The following RNF157 variants were observed in gnomAD, a reference collection of about 807,000 sequenced individuals.
The protein encoded by RNF157 is ring finger protein 157, also known as E3 ubiquitin ligase RNF157.
In RNF157, 55 loss-of-function variants were observed where a neutral mutation model predicts 88.3. That is an observed-to-expected ratio of 0.62 (90% CI 0.50 to 0.78). The LOEUF is 0.78. Ranked by LOEUF, RNF157 falls within the 30% of genes least tolerant of loss-of-function variation. The pLI is 0.00. For synonymous variants in RNF157, 334 were observed against 341.2 expected (o/e 0.98, Z 0.23); for missense variants, 788 against 860.8 (o/e 0.92, Z 1.06).
intron 14 of RNF157, 143 bp downstream of exon 14, chr17:76,156,067 C>G (rs1266740861): frequency 1.5e-6 from 1 of 665,826 alleles, no homozygotes; most frequent in African/African-American, 1.8e-5. Flanking sequence ...AGCAAGTCCT[C>G]TTCCCTCTCA....
chr17:76,159,436 A>T lies in RNF157; in HGVS notation c.1203T>A (p.Tyr401Ter). The T allele has an allele frequency of 6.2e-7, 1 of 1,613,386 alleles. No individual in the cohort carries two copies. Among genetic ancestry groups the T allele is most frequent in the Non-Finnish European group, 8.5e-7 (1 of 1,179,784 alleles). Reference sequence around the variant, plus strand: ...CGGGGGGCAGGTGGCCATCACTGCCATATGAAGGGAGCATTCCTGAGAGGT... The same window carrying T: ...CGGGGGGCAGGTGGCCATCACTGCCTTATGAAGGGAGCATTCCTGAGAGGT... ...DGHLSGMLPS[Y>*]GSDGHLPPVR... The change falls in exon 12 of 19, where the codon TAT becomes TAA. Residue 401 changes from tyrosine to a stop codon, truncating the protein, a stop_gained. Coordinates refer to ENST00000269391, the MANE Select transcript of RNF157 (RefSeq NM_052916.3). LOFTEE classifies it high-confidence loss of function.
At position 76,156,280 on chromosome 17, in the gene RNF157, C is replaced by T. The variant is rs144491104; in HGVS notation, c.1455G>A (p.Ser485=). 9.8e-4 allele frequency: 1,576 copies of T among 1,614,072 alleles called. No individual in the cohort carries two copies. Among genetic ancestry groups the T allele is most frequent in the Non-Finnish European group, 1.3e-3 (1,482 of 1,180,008 alleles). The part of the protein sequence containing the change: ...VTPESENLTL[S]SSGAIDQSSC... ...ACGACTGGTCAATAGCTCCAGATGA[C>T]GACAAGGTGAGATTCTCACTTTCTG... The change falls in exon 14 of 19, where the codon TCG becomes TCA. Residue 485 remains serine, a synonymous_variant. Coordinates refer to ENST00000269391, the MANE Select transcript of RNF157 (RefSeq NM_052916.3).
chr17:76,201,633 AG>A (rs1487594771), intron 2 of RNF157, among the ~76,000 whole-genome samples: 2 of 152,202 alleles, frequency 1.3e-5, no homozygotes, highest in Non-Finnish European at 2.9e-5. Context: ...ATATTTGTGT[AG>A]CTATAAATAT....
chr17:76,182,453 G>C (rs1241395275), intron 2 of RNF157, among the ~76,000 whole-genome samples: 12 of 135,786 alleles, frequency 8.8e-5, no homozygotes, highest in African/African-American at 2.7e-5. Flanking sequence ...CATTTAGTCT[G>C]TGTGTGTGTG....
At position 76,237,378 on chromosome 17, in the gene RNF157, CAACTT is replaced by C. The variant is rs1281939646; in HGVS notation, c.88+2770_88+2774del. ...TTTCCAGCGAGCCAGATAGTGGTCT[CAACTT>C]AACACTCAAACTACAAGGTATGTCA... On this transcript the variant is annotated intron_variant, in intron 1 of 18. Transcript: ENST00000269391. Among the ~76,000 whole-genome samples the C allele has an allele frequency of 2.0e-5, 3 of 152,326 alleles. No individual in the cohort carries two copies. In the East Asian group the frequency reaches 5.8e-4, roughly 29 times the overall value.
chr17:76,209,516 G>A lies in RNF157; in HGVS notation c.207+2848C>T, dbSNP rs147109329. 6.0e-3 allele frequency among the ~76,000 whole-genome samples: 895 copies of A among 150,066 alleles called. 11 individuals are homozygous for A. The highest frequency in any genetic ancestry group is 0.021 in the African/African-American group (852 of 40,482). On this transcript the variant is annotated intron_variant, in intron 2 of 18. Coordinates refer to ENST00000269391, the MANE Select transcript of RNF157 (RefSeq NM_052916.3). ...TTTCTTTTTTAGCTCATCAGCTATC[G>A]TTACTGCTAGTGTATTCCGTGTGTG...
At chr17:76,212,866 A>G (rs1598434742) in intron 1 of RNF157, among the ~76,000 whole-genome samples, 1 of 152,328 alleles carries the variant, frequency 6.6e-6, no homozygotes, top group East Asian at 1.9e-4. Context: ...GTTTCAAAAA[A>G]ACAAAAACAA....
At chr17:76,224,103 C>T (rs1014119606) in intron 1 of RNF157, among the ~76,000 whole-genome samples, 4 of 152,072 alleles carry the variant, frequency 2.6e-5, no homozygotes, top group African/African-American at 9.7e-5. Flanking sequence ...ATTTTTGAAG[C>T]GAAAGCCCAA....
intron 1 of RNF157, chr17:76,226,754 G>A: frequency 6.3e-7 from 1 of 1,593,532 alleles, no homozygotes; most frequent in Non-Finnish European, 8.6e-7. Flanking sequence ...GTCGAAGGGG[G>A]ACATCAAGTC....
chr17:76,230,133 G>T (rs1171140163), intron 1 of RNF157, among the ~76,000 whole-genome samples: 1 of 152,166 alleles, frequency 6.6e-6, no homozygotes, highest in Non-Finnish European at 1.5e-5. Context: ...CAGCAAACTG[G>T]ATCATGGGAG....
intron 18 of RNF157, 146 bp from the exon 19 acceptor site, chr17:76,145,499 C>T (rs529879125): frequency 2.5e-5 from 15 of 604,408 alleles, no homozygotes; most frequent in African/African-American, 7.4e-5. Context: ...CCACAGCACT[C>T]GTGTGTGAGA....
intron 3 of RNF157, among the ~76,000 whole-genome samples, chr17:76,172,277 G>A (rs1212340761): frequency 6.6e-6 from 1 of 152,098 alleles, no homozygotes; most frequent in Non-Finnish European, 1.5e-5. Context: ...TCGTGCCACT[G>A]TACTGCAGCC....
At chr17:76,166,587 G>A in intron 5 of RNF157, 60 bp from the exon 6 acceptor site, 1 of 1,337,302 alleles carries the variant, frequency 7.5e-7, no homozygotes. Context: ...ACATGGCACA[G>A]CTAATCTCAG....
Position 76,160,326 on chromosome 17 carries a change from G to A in RNF157, c.1066-753C>T, listed in dbSNP as rs1279779600. Among the ~76,000 whole-genome samples, 1 of 151,480 alleles carries A rather than the reference G, an allele frequency of 6.6e-6. No individual in the cohort carries two copies. The highest frequency in any genetic ancestry group is 1.5e-5 in the Non-Finnish European group (1 of 67,926). Reference sequence around the variant, plus strand: ...ATTAAATTATTAGCTCTTAGATGATGAGGTATAAATGTTTTTAAGGCCTTG... The same window carrying A: ...ATTAAATTATTAGCTCTTAGATGATAAGGTATAAATGTTTTTAAGGCCTTG... On this transcript the variant is annotated intron_variant, in intron 11 of 18. Transcript: ENST00000269391. The surrounding 1 kb of genome is among the most constrained non-coding windows in gnomAD (Gnocchi z 4.3).
At chr17:76,177,637 TGCCTTTTCTAG>T (rs776096534) in intron 2 of RNF157, among the ~76,000 whole-genome samples, 23 of 151,840 alleles carry the variant, frequency 1.5e-4, no homozygotes, top group Non-Finnish European at 2.6e-4. Context: ...GAACTTGTGT[TGCCTTTTCTAG>T]GCCTGCCCAT....
At chr17:76,150,086 C>T (rs1028631642) in intron 18 of RNF157, among the ~76,000 whole-genome samples, 1 of 152,080 alleles carries the variant, frequency 6.6e-6, no homozygotes, top group Non-Finnish European at 1.5e-5. Context: ...ATTGTCCTTG[C>T]CACAGAAGCG....
At chr17:76,222,301 C>T (rs1460080796) in intron 1 of RNF157, among the ~76,000 whole-genome samples, 2 of 149,832 alleles carry the variant, frequency 1.3e-5, no homozygotes, top group Admixed American at 6.7e-5. Flanking sequence ...AGCTGAGGAT[C>T]GTGTCACTGC....
intron 18 of RNF157, among the ~76,000 whole-genome samples, chr17:76,151,357 G>A (rs2068673082): frequency 6.6e-6 from 1 of 152,230 alleles, no homozygotes; most frequent in Non-Finnish European, 1.5e-5. Context: ...AGTGTGCTTG[G>A]ACTGTGTCTT....
intron 1 of RNF157, among the ~76,000 whole-genome samples, chr17:76,217,250 C>A (rs2069904390): frequency 6.6e-6 from 1 of 152,054 alleles, no homozygotes; most frequent in Admixed American, 6.6e-5. Context: ...GTCAAGAGAC[C>A]TGCCCGCCTC....
Sources: allele counts gnomAD v4.1 joint callset (sites outside exome capture counted in the v4.1 genomes callset), GRCh38; gene constraint gnomAD v4.1.1; non-coding constraint Gnocchi (gnomAD v3.1); transcripts MANE v1.5; gene names NCBI Gene and HGNC (gene_info 2026-07-23, HGNC 2026-07-21).